NRG1: variants seen among roughly 807,000 people sequenced by gnomAD.
The protein encoded by NRG1 is pro-neuregulin-1, membrane-bound isoform.
Under a neutral mutation model 63.8 loss-of-function variants are expected in NRG1, and 18 were observed. That is an observed-to-expected ratio of 0.28 (90% CI 0.19 to 0.42). NRG1 has a LOEUF of 0.42. NRG1 is among the 10% of genes least tolerant of loss of function. NRG1 has a pLI of 1.00. For synonymous variants in NRG1, 302 were observed against 301.3 expected (o/e 1.00, Z -0.02); for missense variants, 762 against 814.7 (o/e 0.94, Z 0.79).
intron 1 of NRG1, among the ~76,000 whole-genome samples, chr8:32,248,519 C>A (rs2129470149): frequency 6.6e-6 from 1 of 152,148 alleles, no homozygotes; most frequent in African/African-American, 2.4e-5. Flanking sequence ...TTTCACTTTT[C>A]TCTCTTGCAT....
At chr8:32,290,907 ATG>A (rs148186950) in intron 1 of NRG1, among the ~76,000 whole-genome samples, 102 of 149,558 alleles carry the variant, frequency 6.8e-4, no homozygotes, top group African/African-American at 1.4e-3. Flanking sequence ...GAGACACAGG[ATG>A]TGTGTGTGTG....
chr8:32,771,567 G>A (rs1054901069), downstream of NRG1, among the ~76,000 whole-genome samples: 1 of 150,316 alleles, frequency 6.7e-6, no homozygotes, highest in African/African-American at 2.4e-5. Context: ...ACTAAACCAT[G>A]ACTCTGTAGA....
exon 12 of NRG1, chr8:32,767,575 T>G (rs905643457): frequency 6.6e-6 from 1 of 152,210 alleles, no homozygotes; most frequent in Non-Finnish European, 1.5e-5. Context: ...TTTGAGTTAA[T>G]GTCAGTTTTT....
chr8:32,479,210 T>TCA (rs1239873278), intron 1 of NRG1, among the ~76,000 whole-genome samples: 2 of 152,134 alleles, frequency 1.3e-5, no homozygotes, highest in East Asian at 3.9e-4. Context: ...ATGTGGTGGC[T>TCA]CACACTGGTA....
At chr8:32,137,604 T>G (rs1432933089) in intron 1 of NRG1, among the ~76,000 whole-genome samples, 1 of 152,210 alleles carries the variant, frequency 6.6e-6, no homozygotes, top group East Asian at 1.9e-4. Flanking sequence ...GATCTGCTTC[T>G]TCTATAGACA....
intron 1 of NRG1, among the ~76,000 whole-genome samples, chr8:32,040,731 T>TTTATGCGC (rs1563713224): frequency 2.1e-5 from 1 of 46,532 alleles, no homozygotes; most frequent in African/African-American, 6.2e-5. Context: ...TATATATATA[T>TTTATGCGC]ATATATGAAA....
intron 1 of NRG1, among the ~76,000 whole-genome samples, chr8:31,935,578 A>T (rs1835234486): frequency 2.0e-5 from 3 of 152,186 alleles, no homozygotes; most frequent in Non-Finnish European, 4.4e-5. Context: ...TCCATCTGAC[A>T]GGTGAGAAAC....
At chr8:32,474,119 G>A (rs909872191) in intron 1 of NRG1, among the ~76,000 whole-genome samples, 1 of 152,194 alleles carries the variant, frequency 6.6e-6, no homozygotes, top group African/African-American at 2.4e-5. Context: ...TTGTGGCAGA[G>A]TACAGCACTC....
chr8:31,914,953 A>G (rs529043322), intron 1 of NRG1, among the ~76,000 whole-genome samples: 63 of 152,188 alleles, frequency 4.1e-4, no homozygotes, highest in African/African-American at 1.4e-3. Flanking sequence ...ACCATATGGT[A>G]TAAATTATTT....
chr8:31,818,947 G>A (rs773470709), intron 1 of NRG1, among the ~76,000 whole-genome samples: 5 of 152,118 alleles, frequency 3.3e-5, no homozygotes, highest in African/African-American at 4.8e-5. Flanking sequence ...CCAGCTACTC[G>A]GGAGGCTGAG....
At chr8:32,601,770 T>G (rs1213581179) in intron 2 of NRG1, among the ~76,000 whole-genome samples, 1 of 152,024 alleles carries the variant, frequency 6.6e-6, no homozygotes, top group East Asian at 1.9e-4. Context: ...CAAAGTATAA[T>G]TCAGCATTCT....
At chr8:32,654,901 A>G (rs915542406) in intron 5 of NRG1, among the ~76,000 whole-genome samples, 3 of 152,072 alleles carry the variant, frequency 2.0e-5, no homozygotes, top group Admixed American at 6.5e-5. Context: ...CTCTCAGTTT[A>G]TTGTCTCAGG....
At chr8:32,595,893 C>T (rs750264919) in exon 2 of NRG1, 10 of 1,613,346 alleles carry the variant, frequency 6.2e-6, no homozygotes, top group Non-Finnish European at 7.6e-6. Flanking sequence ...ACTAGTCCTT[C>T]GGTGTGAAAC....
At chr8:32,606,278 C>G (rs1845267157) in intron 3 of NRG1, among the ~76,000 whole-genome samples, 1 of 151,204 alleles carries the variant, frequency 6.6e-6, no homozygotes, top group Non-Finnish European at 1.5e-5. Context: ...CAATTTTATT[C>G]CCATTACATC....
chr8:32,153,804 G>T (rs1174615251), intron 1 of NRG1, among the ~76,000 whole-genome samples: 3 of 152,134 alleles, frequency 2.0e-5, no homozygotes, highest in Non-Finnish European at 4.4e-5. Context: ...GATATCAAAA[G>T]AAATCTAAGC....
At chr8:32,045,208 A>T (rs1820812253) in intron 1 of NRG1, among the ~76,000 whole-genome samples, 1 of 151,886 alleles carries the variant, frequency 6.6e-6, no homozygotes, top group Non-Finnish European at 1.5e-5. Flanking sequence ...TAGCAAGCAC[A>T]ACTTAATTAG....
intron 1 of NRG1, among the ~76,000 whole-genome samples, chr8:32,031,925 C>T (rs1818316883): frequency 6.6e-6 from 1 of 152,064 alleles, no homozygotes; most frequent in Admixed American, 6.5e-5. Context: ...TGAACATACA[C>T]GTGCATGTAT....
rs376824377 is a variant in NRG1 at position 32,685,807 on chromosome 8, G to C, written c.503-42142G>C. ...TCCAACAGGGATTTGAGAGAAAGGA[G>C]ATCTGAGGAAATCCAGTTCCACTAG... On this transcript the variant is annotated intron_variant, in intron 5 of 11. Transcript: ENST00000356819. 3.1e-4 allele frequency among the ~76,000 whole-genome samples: 47 copies of C among 152,316 alleles called. 2 individuals are homozygous for C. The highest frequency in any genetic ancestry group is 1.1e-3 in the African/African-American group (47 of 41,578).
At chr8:32,441,721 C>T (rs1381963747) in intron 1 of NRG1, among the ~76,000 whole-genome samples, 1 of 152,106 alleles carries the variant, frequency 6.6e-6, no homozygotes, top group African/African-American at 2.4e-5. Context: ...TCTGGAGTCT[C>T]AACAGAGGCC....
Sources: allele counts gnomAD v4.1 joint callset (sites outside exome capture counted in the v4.1 genomes callset), GRCh38; gene constraint gnomAD v4.1.1; transcripts MANE v1.5; gene names NCBI Gene and HGNC (gene_info 2026-07-23, HGNC 2026-07-21).